PARD3: variants seen among roughly 807,000 people sequenced by gnomAD.
PARD3 encodes partitioning defective 3 homolog.
In PARD3, 75 loss-of-function variants were observed where a neutral mutation model predicts 155.4. The observed-to-expected ratio is 0.48, with a 90% confidence interval of 0.40 to 0.58. The LOEUF (loss-of-function observed/expected upper bound fraction) is 0.58, where lower values mean the gene tolerates loss of function less well. Among genes scored for constraint, PARD3 ranks in the 20% least tolerant of loss-of-function variants. The pLI is 0.00. For synonymous variants in PARD3, 576 were observed against 610.5 expected (o/e 0.94, Z 0.83); for missense variants, 1,642 against 1,721.7 (o/e 0.95, Z 0.82).
At chr10:34,596,264 C>T (rs2089245485) in intron 2 of PARD3, among the ~76,000 whole-genome samples, 1 of 151,578 alleles carries the variant, frequency 6.6e-6, no homozygotes, top group Non-Finnish European at 1.5e-5. Flanking sequence ...AATGTACTCA[C>T]TTAGTTGACC....
chr10:34,789,366 C>T (rs1301070841), intron 1 of PARD3, among the ~76,000 whole-genome samples: 2 of 152,158 alleles, frequency 1.3e-5, no homozygotes, highest in South Asian at 2.1e-4. Flanking sequence ...TAACTAGGAA[C>T]AACTGTGTAT....
intron 1 of PARD3, among the ~76,000 whole-genome samples, chr10:34,772,938 T>C (rs1156278817): frequency 6.6e-6 from 1 of 152,144 alleles, no homozygotes; most frequent in Non-Finnish European, 1.5e-5. Context: ...GCCCTTAACA[T>C]GTTACTTTAC....
intron 1 of PARD3, among the ~76,000 whole-genome samples, chr10:34,707,080 T>C (rs1048048338): frequency 2.0e-5 from 3 of 151,874 alleles, no homozygotes; most frequent in African/African-American, 4.8e-5. Flanking sequence ...ACCCCATCTA[T>C]ACTAAAAATA....
chr10:34,593,624 T>TACATTTC (rs750977994), intron 2 of PARD3, among the ~76,000 whole-genome samples: 4 of 152,202 alleles, frequency 2.6e-5, no homozygotes, highest in Non-Finnish European at 4.4e-5. Context: ...CAAGCTAAAT[T>TACATTTC]ACATTTCACA....
Position 34,569,923 on chromosome 10 carries a change from T to C in PARD3, c.223-52764A>G, listed in dbSNP as rs920779618. Among the ~76,000 whole-genome samples, 8 of 151,474 alleles carry C rather than the reference T, an allele frequency of 5.3e-5. No homozygotes were observed. The East Asian group carries it at 1.5e-3, about 29-fold the overall frequency. On this transcript the variant is annotated intron_variant, in intron 2 of 24. Transcript: ENST00000374788. ...AAAAAAAAAAAAACAGATTACATTA[T>C]AAATATTTCTCATTTTGTTATTAAA...
intron 20 of PARD3, among the ~76,000 whole-genome samples, chr10:34,292,806 A>G (rs890192509): frequency 2.6e-5 from 4 of 152,082 alleles, no homozygotes; most frequent in African/African-American, 9.7e-5. Context: ...AATGAATAAC[A>G]TATCCCTTTC....
intron 17 of PARD3, 22 bp from the exon 18 acceptor site, chr10:34,336,265 A>C: frequency 6.2e-7 from 1 of 1,601,274 alleles, no homozygotes; most frequent in Non-Finnish European, 8.6e-7. Flanking sequence ...TAAATGTATA[A>C]TAGTTAGCCC....
chr10:34,352,316 C>T (rs1838175355), intron 14 of PARD3, among the ~76,000 whole-genome samples: 2 of 152,128 alleles, frequency 1.3e-5, no homozygotes, highest in Non-Finnish European at 2.9e-5. Context: ...CAGCTTTCTC[C>T]ACTGTAAAGT....
chr10:34,116,508 G>C (rs1946681100), intron 24 of PARD3, among the ~76,000 whole-genome samples: 1 of 152,182 alleles, frequency 6.6e-6, no homozygotes, highest in African/African-American at 2.4e-5. Context: ...CCTCCTGTTT[G>C]CTTTCTTTCC....
At chr10:34,490,341 G>A (rs1369024171) in intron 3 of PARD3, among the ~76,000 whole-genome samples, 1 of 152,116 alleles carries the variant, frequency 6.6e-6, no homozygotes, top group Non-Finnish European at 1.5e-5. Flanking sequence ...ATTATTAGGG[G>A]ATTTGTGAGA....
At position 34,703,936 on chromosome 10, in the gene PARD3, A is replaced by C. The variant is rs116269537; in HGVS notation, c.121-7517T>G. Among the ~76,000 whole-genome samples the C allele has an allele frequency of 2.0e-3, 311 of 152,354 alleles. 1 individual carries two copies. Among genetic ancestry groups the C allele is most frequent in the African/African-American group, 7.2e-3 (301 of 41,572 alleles). On this transcript the variant is annotated intron_variant, in intron 1 of 24. Transcript: ENST00000374788. ...TTTTTTAGAAATGCAACGTTTCCAA[A>C]AACATTACCCCTTTGTAAGTGGAAG...
chr10:34,653,472 T>C (rs1464789287), intron 2 of PARD3, among the ~76,000 whole-genome samples: 1 of 152,062 alleles, frequency 6.6e-6, no homozygotes, highest in Non-Finnish European at 1.5e-5. Context: ...TGACAAACTT[T>C]CTCTTCTCTG....
At chr10:34,716,585 C>CTT (rs34751073) in intron 1 of PARD3, among the ~76,000 whole-genome samples, 18,828 of 73,650 alleles carry the variant, frequency 0.26, 2,896 homozygotes, top group Non-Finnish European at 0.36. Flanking sequence ...GATGGCTTTT[C>CTT]TTTTTTTTTT....
chr10:34,520,801 C>CAATTTTACTAGACA (rs1317337315), intron 2 of PARD3, among the ~76,000 whole-genome samples: 1 of 152,124 alleles, frequency 6.6e-6, no homozygotes, highest in Non-Finnish European at 1.5e-5. Context: ...TAGTAACATG[C>CAATTTTACTAGACA]AATTTTAGTT....
At chr10:34,315,828 CA>C (rs1256380806) in intron 20 of PARD3, among the ~76,000 whole-genome samples, 1 of 152,222 alleles carries the variant, frequency 6.6e-6, no homozygotes, top group Non-Finnish European at 1.5e-5. Flanking sequence ...GAAAATCCCA[CA>C]GTTCTGAAGC....
At chr10:34,545,564 CCTTT>C (rs1173953736) in intron 2 of PARD3, among the ~76,000 whole-genome samples, 1 of 152,046 alleles carries the variant, frequency 6.6e-6, no homozygotes, top group Non-Finnish European at 1.5e-5. Flanking sequence ...GACTTTATAT[CCTTT>C]TTTTGAGATG....
chr10:34,469,267 C>T (rs1202802915), intron 4 of PARD3, among the ~76,000 whole-genome samples: 2 of 152,164 alleles, frequency 1.3e-5, no homozygotes, highest in African/African-American at 4.8e-5. Context: ...CATGCCAGCA[C>T]ACCTGGCTAA....
intron 1 of PARD3, among the ~76,000 whole-genome samples, chr10:34,760,762 T>G (rs75539707): frequency 2.0e-5 from 3 of 151,946 alleles, no homozygotes; most frequent in East Asian, 1.9e-4. Flanking sequence ...TGGTGAGGAG[T>G]TGACACCTCC....
intron 2 of PARD3, among the ~76,000 whole-genome samples, chr10:34,681,720 C>T (rs1392348630): frequency 2.8e-4 from 15 of 54,038 alleles, no homozygotes; most frequent in Middle Eastern, 0.017. Context: ...ATGTATTTTA[C>T]GTATGTATTT....
Sources: allele counts gnomAD v4.1 joint callset (sites outside exome capture counted in the v4.1 genomes callset), GRCh38; gene constraint gnomAD v4.1.1; transcripts MANE v1.5; gene names NCBI Gene and HGNC (gene_info 2026-07-23, HGNC 2026-07-21).